KCNJ6: variants seen among roughly 807,000 people sequenced by gnomAD.
KCNJ6 encodes G protein-activated inward rectifier potassium channel 2.
KCNJ6 carries 9 observed loss-of-function variants against 34.2 expected under a neutral mutation model. The ratio of observed to expected loss-of-function variants is 0.26; its 90% CI spans 0.16 to 0.46. The LOEUF is 0.46. Among genes scored for constraint, KCNJ6 ranks in the 20% least tolerant of loss-of-function variants. KCNJ6 has a pLI of 1.00. For missense variants in KCNJ6, 236 were observed against 531.3 expected, an observed-to-expected ratio of 0.44 and a Z score of 5.46; for synonymous variants, 196 against 207.1, an observed-to-expected ratio of 0.95 and a Z score of 0.46.
intron 2 of KCNJ6, among the ~76,000 whole-genome samples, chr21:37,746,184 G>A (rs965746883): frequency 3.9e-5 from 6 of 152,164 alleles, no homozygotes; most frequent in African/African-American, 1.4e-4. Context: ...GTCAACATAT[G>A]AATTTATGGG....
chr21:37,722,732 T>C (rs1243183885), intron 2 of KCNJ6, among the ~76,000 whole-genome samples: 2 of 152,208 alleles, frequency 1.3e-5, no homozygotes, highest in Non-Finnish European at 2.9e-5. Flanking sequence ...TGGCTAGCCA[T>C]GTGCAGAAGA....
chr21:37,899,409 C>T (rs1053593991), intron 1 of KCNJ6, among the ~76,000 whole-genome samples: 3 of 152,196 alleles, frequency 2.0e-5, no homozygotes, highest in East Asian at 1.9e-4. Flanking sequence ...GTCCTCTTCT[C>T]GTTCTCTCTC....
intron 2 of KCNJ6, among the ~76,000 whole-genome samples, chr21:37,806,695 T>A (rs1254783460): frequency 6.6e-6 from 1 of 152,232 alleles, no homozygotes; most frequent in Non-Finnish European, 1.5e-5. Context: ...TATACAATCC[T>A]GATCTAAATT....
At chr21:37,906,285 T>A (rs1006566108) in intron 1 of KCNJ6, among the ~76,000 whole-genome samples, 2 of 152,164 alleles carry the variant, frequency 1.3e-5, no homozygotes, top group Non-Finnish European at 2.9e-5. Flanking sequence ...TGAGTCCAGG[T>A]TAAATCTGCC....
intron 3 of KCNJ6, among the ~76,000 whole-genome samples, chr21:37,657,715 A>G (rs1398933889): frequency 1.3e-5 from 2 of 152,202 alleles, no homozygotes; most frequent in Non-Finnish European, 2.9e-5. Flanking sequence ...TGCCCATATC[A>G]TTCCTGATGA....
At position 37,800,393 on chromosome 21, in the gene KCNJ6, GACTTTATCCCAAAAACTGAAACAAAA is replaced by G. The variant is rs964269601; in HGVS notation, c.25+40239_25+40264del. ...AAAATGTCCAGTGTTACATTGTGGG[GACTTTATCCCAAAAACTGAAACAAAA>G]ACTCTGAAAATAAGTTATCTGATAT... On this transcript the variant is annotated intron_variant, in intron 2 of 3. Coordinates refer to ENST00000609713, the MANE Select transcript of KCNJ6 (RefSeq NM_002240.5). Among the ~76,000 whole-genome samples the G allele has an allele frequency of 1.6e-4, 25 of 152,206 alleles. 1 individual carries two copies. Among genetic ancestry groups the G allele is most frequent in the Admixed American group, 1.4e-3 (22 of 15,290 alleles).
chr21:37,714,786 A>G lies in KCNJ6; in HGVS notation c.371T>C (p.Ile124Thr), dbSNP rs769054665. ...ACAAGGAGTCCAGGAGGGGTCCTCTATGTGGTCCATGTCTCCCCGTATGTA... is the reference window on the plus strand; with the variant it reads ...ACAAGGAGTCCAGGAGGGGTCCTCTGTGTGGTCCATGTCTCCCCGTATGTA... ...IAYIRGDMDH[I>T]EDPSWTPCVT... is the part of the protein sequence containing the mutation. Residue 124 changes from isoleucine (I) to threonine (T), a missense_variant, in exon 3 of 4, where the codon ATA becomes ACA. Around this residue, in one of 5 missense-constraint regions of KCNJ6, gnomAD observed 68 missense variants for 165.7 expected, o/e 0.41. Transcript: ENST00000609713. The surrounding 1 kb of genome is among the most constrained non-coding windows in gnomAD (Gnocchi z 5.9). 1 of 1,614,180 alleles carries G rather than the reference A, an allele frequency of 6.2e-7. No individual in the cohort carries two copies. Among genetic ancestry groups the G allele is most frequent in the Non-Finnish European group, 8.5e-7 (1 of 1,180,010 alleles).
chr21:37,880,573 AG>A (rs1020858372), intron 1 of KCNJ6, among the ~76,000 whole-genome samples: 10 of 152,208 alleles, frequency 6.6e-5, no homozygotes, highest in African/African-American at 2.4e-4. Context: ...CCCAAGAGTG[AG>A]GGAGGAAGAA....
At chr21:37,739,140 T>C (rs551442241) in intron 2 of KCNJ6, among the ~76,000 whole-genome samples, 2 of 152,338 alleles carry the variant, frequency 1.3e-5, no homozygotes, top group East Asian at 3.9e-4. Flanking sequence ...AAGTAAACTA[T>C]CCCATTAATA....
At chr21:37,693,148 G>T (rs2054647623) in intron 3 of KCNJ6, among the ~76,000 whole-genome samples, 2 of 152,172 alleles carry the variant, frequency 1.3e-5, no homozygotes, top group South Asian at 4.1e-4. Context: ...TCCATCAGAT[G>T]ACCTGTTTAA....
At chr21:37,740,857 A>G (rs2054937808) in intron 2 of KCNJ6, among the ~76,000 whole-genome samples, 1 of 152,246 alleles carries the variant, frequency 6.6e-6, no homozygotes. Flanking sequence ...TTTGCTGCTA[A>G]AAAGCATGAC....
intron 3 of KCNJ6, among the ~76,000 whole-genome samples, chr21:37,710,194 T>C (rs1172496227): frequency 6.6e-6 from 1 of 152,222 alleles, no homozygotes; most frequent in Non-Finnish European, 1.5e-5. Context: ...AACAGTGACA[T>C]GTAAGAGACG....
At chr21:37,825,302 C>T (rs1330441045) in intron 2 of KCNJ6, among the ~76,000 whole-genome samples, 3 of 152,122 alleles carry the variant, frequency 2.0e-5, no homozygotes, top group African/African-American at 4.8e-5. Context: ...ATATAATTCA[C>T]TGAGAATCTC....
intron 3 of KCNJ6, among the ~76,000 whole-genome samples, chr21:37,630,132 C>CTCTGTGTG (rs2054327308): frequency 2.3e-5 from 1 of 44,332 alleles, no homozygotes; most frequent in Admixed American, 2.6e-4. Context: ...AAGATGACAT[C>CTCTGTGTG]TCTGTGTGTG....
In KCNJ6 at chr21:37,610,748, G is replaced by A. The variant is rs184197590; in HGVS notation, c.*14411C>T. On this transcript the variant is annotated 3_prime_UTR_variant, in exon 4 of 4. Coordinates refer to ENST00000609713, the MANE Select transcript of KCNJ6 (RefSeq NM_002240.5). ...AACAACACACGTGTAAATATCATGG[G>A]TCAAAGAAGAAATCTCAAGATAAGT... is the stretch of plus-strand genomic sequence containing the variant. 2.0e-5 allele frequency: 3 copies of A among 152,056 alleles called. No individual in the cohort carries two copies. Among genetic ancestry groups the A allele is most frequent in the East Asian group, 1.9e-4 (1 of 5,186 alleles). The allele number at this position is 152,056 out of a possible 1,614,324, so 9.4% of individuals were successfully genotyped here.
At position 37,675,127 on chromosome 21, in the gene KCNJ6, C is replaced by A. The variant is rs1012144650; in HGVS notation, c.946+39084G>T. On this transcript the variant is annotated intron_variant, in intron 3 of 3. Transcript: ENST00000609713. The surrounding 1 kb of genome is among the most constrained non-coding windows in gnomAD (Gnocchi z 4.2). ...TTCTAAGTGTCTCCTTTGGACTGGG[C>A]CCTTGAGCCATGAGCTTTCTTTTAT... Among the ~76,000 whole-genome samples, 13 of 152,144 alleles carry A rather than the reference C, an allele frequency of 8.5e-5. No individual in the cohort carries two copies. Among genetic ancestry groups the A allele is most frequent in the African/African-American group, 3.1e-4 (13 of 41,430 alleles).
At chr21:37,786,223 C>G (rs2055191895) in intron 2 of KCNJ6, among the ~76,000 whole-genome samples, 2 of 152,328 alleles carry the variant, frequency 1.3e-5, no homozygotes, top group South Asian at 4.1e-4. Context: ...TGATAGGATG[C>G]TGACCCACTG....
chr21:37,780,855 T>C (rs1201338936), intron 2 of KCNJ6, among the ~76,000 whole-genome samples: 2 of 152,190 alleles, frequency 1.3e-5, no homozygotes, highest in Non-Finnish European at 2.9e-5. Context: ...TATATATAGC[T>C]ACTGTATACC....
chr21:37,716,330 A>G (rs2054790697), intron 2 of KCNJ6, among the ~76,000 whole-genome samples: 1 of 151,402 alleles, frequency 6.6e-6, no homozygotes, highest in Non-Finnish European at 1.5e-5. Flanking sequence ...AACATTCAAC[A>G]TCTGTAATTT....
Sources: gnomAD v4.1 joint callset for allele counts (sites outside exome capture counted in the v4.1 genomes callset) on GRCh38, gnomAD v4.1.1 for gene constraint, gnomAD v4.1.1 regional missense constraint, Gnocchi (gnomAD v3.1) non-coding constraint, MANE v1.5 for transcripts, NCBI Gene and HGNC (gene_info 2026-07-23, HGNC 2026-07-21) for gene names.